The following MACROD2 variants were observed in gnomAD, a reference collection of about 807,000 sequenced individuals.
The protein encoded by MACROD2 is mono-ADP ribosylhydrolase 2.
Under a neutral mutation model 70.4 loss-of-function variants are expected in MACROD2, and 36 were observed. That is an observed-to-expected ratio of 0.51 (90% confidence interval 0.39 to 0.68). MACROD2 has a LOEUF of 0.68. Ranked by LOEUF, MACROD2 falls within the 30% of genes least tolerant of loss-of-function variation. The pLI is 0.00. For missense variants in MACROD2, 496 were observed against 538.4 expected (o/e 0.92, Z 0.78); for synonymous variants, 172 against 178.8 (o/e 0.96, Z 0.30).
intron 4 of MACROD2, among the ~76,000 whole-genome samples, chr20:14,673,467 T>A (rs1178378461): frequency 6.6e-6 from 1 of 152,186 alleles, no homozygotes; most frequent in Non-Finnish European, 1.5e-5. Flanking sequence ...TTTTACAGAT[T>A]TGAGGCTGGG....
At chr20:14,925,652 G>A (rs1243172485) in intron 5 of MACROD2, among the ~76,000 whole-genome samples, 2 of 152,148 alleles carry the variant, frequency 1.3e-5, no homozygotes, top group African/African-American at 4.8e-5. Flanking sequence ...AGAAACCTTG[G>A]TCATTCAGAT....
intron 15 of MACROD2, among the ~76,000 whole-genome samples, chr20:16,012,207 G>A (rs1398056013): frequency 6.6e-6 from 1 of 152,156 alleles, no homozygotes; most frequent in Non-Finnish European, 1.5e-5. Context: ...CTCAGTTTTT[G>A]ACTTCACCCC....
intron 8 of MACROD2, among the ~76,000 whole-genome samples, chr20:15,508,262 G>A (rs887160079): frequency 6.6e-6 from 1 of 151,782 alleles, no homozygotes; most frequent in Non-Finnish European, 1.5e-5. Flanking sequence ...GGAGTGCATG[G>A]GAATGCAGAG....
chr20:15,185,577 A>G (rs1248674347), intron 5 of MACROD2, among the ~76,000 whole-genome samples: 1 of 152,188 alleles, frequency 6.6e-6, no homozygotes, highest in African/African-American at 2.4e-5. Context: ...AAAGGAAGTC[A>G]GTTTCAAATG....
At chr20:15,161,068 A>G (rs1568609214) in intron 5 of MACROD2, among the ~76,000 whole-genome samples, 2 of 151,976 alleles carry the variant, frequency 1.3e-5, no homozygotes, top group South Asian at 2.1e-4. Context: ...TAGATAGTTC[A>G]CCTTTAAATC....
intron 8 of MACROD2, among the ~76,000 whole-genome samples, chr20:15,645,211 C>T (rs1224050997): frequency 6.6e-6 from 1 of 152,154 alleles, no homozygotes; most frequent in Non-Finnish European, 1.5e-5. Flanking sequence ...ACAGTTGCCT[C>T]CTCCTAGCGT....
At position 15,689,277 on chromosome 20, in the gene MACROD2, C is replaced by A. The variant is rs1407582588; in HGVS notation, c.646-173468C>A. Among the ~76,000 whole-genome samples, 5 of 151,476 alleles carry A rather than the reference C, an allele frequency of 3.3e-5. No homozygotes were observed. The East Asian group carries it at 9.7e-4, about 29-fold the overall frequency. On this transcript the variant is annotated intron_variant, in intron 8 of 17. Coordinates refer to ENST00000684519, the MANE Select transcript of MACROD2 (RefSeq NM_001351661.2). ...CGAGATATTGCCACTACAGTCTAGCCTGGGTGACAAGATTGAGATTCCGTC... is the reference window on the plus strand; with the variant it reads ...CGAGATATTGCCACTACAGTCTAGCATGGGTGACAAGATTGAGATTCCGTC...
intron 8 of MACROD2, among the ~76,000 whole-genome samples, chr20:15,767,617 GT>G (rs1482375320): frequency 6.6e-6 from 1 of 152,090 alleles, no homozygotes; most frequent in Non-Finnish European, 1.5e-5. Context: ...GATTTTTCCT[GT>G]TTTCTAGAGT....
At chr20:15,529,134 C>G (rs1050474749) in intron 8 of MACROD2, among the ~76,000 whole-genome samples, 3 of 152,196 alleles carry the variant, frequency 2.0e-5, no homozygotes, top group Non-Finnish European at 2.9e-5. Flanking sequence ...CCTTGCTACT[C>G]TCCCATTCTT....
intron 5 of MACROD2, chr20:14,892,830 C>T (rs1375116936): frequency 6.6e-6 from 1 of 152,136 alleles, no homozygotes; most frequent in Non-Finnish European, 1.5e-5. Flanking sequence ...AGGTGTATGC[C>T]ACCACTCCCC....
intron 8 of MACROD2, among the ~76,000 whole-genome samples, chr20:15,527,252 T>C (rs2047734391): frequency 6.6e-6 from 1 of 152,174 alleles, no homozygotes; most frequent in Non-Finnish European, 1.5e-5. Flanking sequence ...AAAGGTTTTA[T>C]TCAAGCAAAA....
At chr20:14,092,419 T>A (rs1411933749) in intron 3 of MACROD2, among the ~76,000 whole-genome samples, 3 of 152,196 alleles carry the variant, frequency 2.0e-5, no homozygotes, top group Non-Finnish European at 4.4e-5. Flanking sequence ...TATTGATATA[T>A]ACTGAAATAT....
chr20:14,862,671 A>G (rs1356824295), intron 5 of MACROD2, among the ~76,000 whole-genome samples: 1 of 65,534 alleles, frequency 1.5e-5, no homozygotes, highest in East Asian at 3.0e-4. Flanking sequence ...ATATATAAAT[A>G]TATATAAATA....
At chr20:14,829,090 G>T (rs1361256338) in intron 5 of MACROD2, among the ~76,000 whole-genome samples, 3 of 145,530 alleles carry the variant, frequency 2.1e-5, no homozygotes, top group Non-Finnish European at 3.0e-5. Flanking sequence ...CCCTCCCACC[G>T]CTCCCTGCTC....
intron 2 of MACROD2, among the ~76,000 whole-genome samples, chr20:14,064,604 A>T (rs531907781): frequency 5.8e-4 from 88 of 152,172 alleles, no homozygotes; most frequent in African/African-American, 1.8e-3. Flanking sequence ...TATTGCTGAC[A>T]TTTTCATTTT....
intron 5 of MACROD2, among the ~76,000 whole-genome samples, chr20:14,714,364 C>A (rs1166391426): frequency 6.6e-6 from 1 of 152,144 alleles, no homozygotes; most frequent in Non-Finnish European, 1.5e-5. Flanking sequence ...GCCCCCAACT[C>A]ATCTACCCAG....
chr20:14,790,266 TA>T (rs149498740), intron 5 of MACROD2, among the ~76,000 whole-genome samples: 8 of 149,844 alleles, frequency 5.3e-5, no homozygotes, highest in Non-Finnish European at 8.9e-5. Context: ...TTGGTTCATT[TA>T]AAAAAAAAAC....
At chr20:14,307,012 A>AACAC (rs3044626) in intron 3 of MACROD2, among the ~76,000 whole-genome samples, 25,150 of 148,144 alleles carry the variant, frequency 0.17, 2,291 homozygotes, top group South Asian at 0.3. Context: ...ACTAAATGTA[A>AACAC]ACACACACAC....
chr20:15,987,949 A>G (rs2066509915), intron 15 of MACROD2, among the ~76,000 whole-genome samples: 2 of 152,196 alleles, frequency 1.3e-5, no homozygotes, highest in Non-Finnish European at 1.5e-5. Context: ...AAGCAGTTGC[A>G]GAGTAATAAC....
Sources: allele counts gnomAD v4.1 joint callset (sites outside exome capture counted in the v4.1 genomes callset), GRCh38; gene constraint gnomAD v4.1.1; transcripts MANE v1.5; gene names NCBI Gene and HGNC (gene_info 2026-07-23, HGNC 2026-07-21).